Variants in EDARADD observed in about 807,000 individuals in gnomAD.
EDARADD encodes the protein ectodysplasin-A receptor-associated adapter protein.
EDARADD carries 20 observed loss-of-function variants against 25.6 expected under a neutral mutation model. The ratio of observed to expected loss-of-function variants is 0.78; its 90% CI spans 0.55 to 1.14. The LOEUF (loss-of-function observed/expected upper bound fraction) is 1.14. Ranked by LOEUF, EDARADD falls within the 50% of genes most tolerant of loss-of-function variation. The pLI is 0.00. For missense variants in EDARADD, 225 were observed against 270.1 expected (o/e 0.83, Z 1.17); for synonymous variants, 86 against 94.4 (o/e 0.91, Z 0.52).
chr1:236,459,597 C>T (rs1399851175), intron 4 of EDARADD, among the ~76,000 whole-genome samples: 2 of 144,880 alleles, frequency 1.4e-5, no homozygotes, highest in African/African-American at 2.5e-5. Context: ...TATTTTCACT[C>T]TTCTTATTTA....
chr1:236,363,033 A>ATATAAAT (rs1558100919), intron 3 of EDARADD, among the ~76,000 whole-genome samples: 1 of 117,664 alleles, frequency 8.5e-6, no homozygotes, highest in Non-Finnish European at 1.7e-5. Context: ...ATATATATAT[A>ATATAAAT]AAATTTGTGT....
intron 3 of EDARADD, among the ~76,000 whole-genome samples, chr1:236,425,313 A>G (rs1459970235): frequency 2.0e-5 from 3 of 152,072 alleles, no homozygotes; most frequent in African/African-American, 7.2e-5. Flanking sequence ...ATGGCTGTGT[A>G]CCTCGATGCC....
At chr1:236,466,860 A>C (rs1356430038) in intron 4 of EDARADD, among the ~76,000 whole-genome samples, 1 of 152,176 alleles carries the variant, frequency 6.6e-6, no homozygotes, top group Non-Finnish European at 1.5e-5. Flanking sequence ...TGAGGTCAGG[A>C]GTTCGAGACC....
chr1:236,465,368 C>T (rs1659159473), intron 4 of EDARADD, among the ~76,000 whole-genome samples: 1 of 152,180 alleles, frequency 6.6e-6, no homozygotes, highest in South Asian at 2.1e-4. Flanking sequence ...GTCTCATCTC[C>T]TTCTTTTCGT....
At chr1:236,469,869 C>T (rs892508251) in intron 5 of EDARADD, among the ~76,000 whole-genome samples, 10 of 151,982 alleles carry the variant, frequency 6.6e-5, no homozygotes, top group African/African-American at 2.4e-4. Context: ...GCCACCACGC[C>T]CGGCTAATTT....
intron 1 of EDARADD, among the ~76,000 whole-genome samples, chr1:236,405,862 CTTCCTTCCTTCCTTCT>C (rs1558112718): frequency 1.1e-4 from 5 of 45,514 alleles, no homozygotes; most frequent in African/African-American, 4.8e-4. Context: ...TCCTTCCTTC[CTTCCTTCCTTCCTTCT>C]TTCTTTCTTT....
intron 3 of EDARADD, among the ~76,000 whole-genome samples, chr1:236,355,164 A>G (rs923369376): frequency 6.6e-6 from 1 of 152,224 alleles, no homozygotes; most frequent in Non-Finnish European, 1.5e-5. Context: ...AGTGAGAAAC[A>G]ATACAATATG....
upstream of EDARADD, among the ~76,000 whole-genome samples, chr1:236,393,600 T>C (rs113158820): frequency 6.6e-5 from 10 of 152,152 alleles, no homozygotes; most frequent in African/African-American, 2.2e-4. Context: ...TTTCATCACA[T>C]TGGCCAGGCT....
intron 4 of EDARADD, 116 bp downstream of exon 4, chr1:236,427,566 A>C: frequency 9.6e-7 from 1 of 1,036,764 alleles, no homozygotes; most frequent in Non-Finnish European, 1.4e-6. Flanking sequence ...CTAGATCATA[A>C]ACAGGGTTTG....
At chr1:236,384,705 A>G (rs6659210) in intron 3 of EDARADD, among the ~76,000 whole-genome samples, 121,746 of 151,974 alleles carry the variant, frequency 0.8, 49,354 homozygotes, top group East Asian at 0.92. Flanking sequence ...TATTATTATT[A>G]TTTTTTGTAG....
chr1:236,462,085 C>G (rs1216935646), intron 4 of EDARADD, among the ~76,000 whole-genome samples: 1 of 152,120 alleles, frequency 6.6e-6, no homozygotes, highest in African/African-American at 2.4e-5. Flanking sequence ...TGAGCAGGAA[C>G]AAGGAAAAAG....
At chr1:236,405,909 CTT>C in intron 1 of EDARADD, among the ~76,000 whole-genome samples, 1 of 51,920 alleles carries the variant, frequency 1.9e-5, no homozygotes, top group African/African-American at 6.8e-5. Flanking sequence ...TTCTTTCTTT[CTT>C]TCTTTCTTTC....
At chr1:236,473,287 G>C (rs765390026) in intron 5 of EDARADD, among the ~76,000 whole-genome samples, 4 of 152,006 alleles carry the variant, frequency 2.6e-5, no homozygotes, top group Non-Finnish European at 2.9e-5. Flanking sequence ...CTCGGAAAGG[G>C]TAGCGAGACC....
In EDARADD at chr1:236,482,679, CGGATGTTGAAACAACCACA is replaced by C. The variant is rs1350149975; in HGVS notation, c.*33_*51del. On this transcript the variant is annotated 3_prime_UTR_variant, in exon 6 of 6. Transcript: ENST00000334232. ...CTTCTTCTTCCTTCATTGGCCTCTC[CGGATGTTGAAACAACCACA>C]GGTCAAGAAGGAATGTGAATCTGTT... The C allele has an allele frequency of 2.5e-6, 4 of 1,609,554 alleles. No individual in the cohort carries two copies. The African/African-American group carries it at 5.3e-5, about 22-fold the overall frequency.
chr1:236,405,999 G>T (rs2103006505), intron 1 of EDARADD, among the ~76,000 whole-genome samples: 1 of 149,026 alleles, frequency 6.7e-6, no homozygotes, highest in East Asian at 2.0e-4. Context: ...GACGCAGCGG[G>T]CATTGTTTGC....
At chr1:236,407,690 G>A (rs561609086) in intron 1 of EDARADD, among the ~76,000 whole-genome samples, 6 of 152,136 alleles carry the variant, frequency 3.9e-5, no homozygotes, top group African/African-American at 9.7e-5. Flanking sequence ...ACTGCAGGTC[G>A]TTCACTGCAC....
intron 4 of EDARADD, among the ~76,000 whole-genome samples, chr1:236,449,345 C>T (rs1296673942): frequency 1.3e-5 from 2 of 152,178 alleles, no homozygotes; most frequent in Non-Finnish European, 2.9e-5. Flanking sequence ...GGACACAATT[C>T]AGTCCGTAAC....
chr1:236,374,260 C>CCCTCCCTT (rs199871905), intron 3 of EDARADD, among the ~76,000 whole-genome samples: 3,868 of 141,710 alleles, frequency 0.027, 97 homozygotes, highest in Admixed American at 0.066. Context: ...CTCCCTCCCT[C>CCCTCCCTT]CCTCCCTTCC....
At chr1:236,409,728 A>AT (rs535740043) in intron 2 of EDARADD, among the ~76,000 whole-genome samples, 5,826 of 141,306 alleles carry the variant, frequency 0.041, 342 homozygotes, top group African/African-American at 0.14. Context: ...TGCCTGGCTA[A>AT]TTTTTTTTTT....
Sources: gnomAD v4.1 joint callset for allele counts (sites outside exome capture counted in the v4.1 genomes callset) on GRCh38, gnomAD v4.1.1 for gene constraint, MANE v1.5 for transcripts, NCBI Gene and HGNC (gene_info 2026-07-23, HGNC 2026-07-21) for gene names.